Variants in ASXL1 observed in about 807,000 individuals in gnomAD.
ASXL1 encodes polycomb group protein ASXL1.
Under a neutral mutation model 89.1 loss-of-function variants are expected in ASXL1, and 65 were observed. The ratio of observed to expected loss-of-function variants is 0.73; its 90% CI spans 0.60 to 0.90. ASXL1 has a LOEUF of 0.90. Ranked by LOEUF, ASXL1 falls within the 40% of genes least tolerant of loss-of-function variation. The pLI, the probability that ASXL1 is intolerant of heterozygous loss-of-function variation, is 0.00. For missense variants in ASXL1, 1,786 were observed against 1,942.9 expected (o/e 0.92, Z 1.52); for synonymous variants, 739 against 746.9 (o/e 0.99, Z 0.17).
chr20:32,411,447 C>T (rs1408321729), intron 4 of ASXL1, among the ~76,000 whole-genome samples: 1 of 150,572 alleles, frequency 6.6e-6, no homozygotes, highest in Non-Finnish European at 1.5e-5. Flanking sequence ...GCTTGTCTCT[C>T]CAACTCCTGG....
chr20:32,378,632 G>A (rs1001896766), intron 4 of ASXL1, among the ~76,000 whole-genome samples: 1 of 152,014 alleles, frequency 6.6e-6, no homozygotes, highest in African/African-American at 2.4e-5. Context: ...GATTTGTATT[G>A]TTTTTTTACA....
Position 32,364,863 on chromosome 20 carries a change from T to A in ASXL1, c.58-1521T>A, listed in dbSNP as rs77544518. On this transcript the variant is annotated intron_variant, in intron 1 of 12. Transcript: ENST00000375687. ...GTACGTGTTCCATGTGTTTGTTGAA[T>A]GAAGGATGACAACAGAGTCAGAATG... 3.3e-3 allele frequency among the ~76,000 whole-genome samples: 510 copies of A among 152,314 alleles called. 2 individuals carry two copies. The highest frequency in any genetic ancestry group is 6.4e-3 in the Non-Finnish European group (438 of 68,022).
chr20:32,418,241 G>A (rs2049172180), intron 4 of ASXL1, among the ~76,000 whole-genome samples: 1 of 151,990 alleles, frequency 6.6e-6, no homozygotes, highest in Non-Finnish European at 1.5e-5. Context: ...GAGTGGTGGT[G>A]CATGCCTCTA....
At chr20:32,371,937 A>G (rs1400963500) in intron 4 of ASXL1, 8 of 370,462 alleles carry the variant, frequency 2.2e-5, no homozygotes, top group Non-Finnish European at 4.0e-5. Flanking sequence ...CATATGCTGT[A>G]ATTATATATA....
intron 4 of ASXL1, among the ~76,000 whole-genome samples, chr20:32,413,714 CTT>C (rs750240358): frequency 1.4e-4 from 22 of 152,220 alleles, no homozygotes; most frequent in East Asian, 5.8e-4. Context: ...GTTGGCTACT[CTT>C]TTCACGTGCA....
intron 1 of ASXL1, among the ~76,000 whole-genome samples, chr20:32,364,357 G>A (rs1305166746): frequency 1.3e-5 from 2 of 151,596 alleles, no homozygotes; most frequent in African/African-American, 4.9e-5. Context: ...CTGGGATTAC[G>A]GGCATGAGCC....
chr20:32,433,948 G>C (rs761375928), intron 12 of ASXL1, 31 bp downstream of exon 12: 5 of 1,610,948 alleles, frequency 3.1e-6, no homozygotes, highest in Non-Finnish European at 4.2e-6. Flanking sequence ...TGGCTGCCCT[G>C]GAGCCAGGTT....
intron 4 of ASXL1, among the ~76,000 whole-genome samples, chr20:32,390,438 A>G (rs564403030): frequency 2.6e-5 from 4 of 152,306 alleles, no homozygotes; most frequent in African/African-American, 9.6e-5. Context: ...ACAGATCTAT[A>G]TACAGATATG....
intron 4 of ASXL1, among the ~76,000 whole-genome samples, chr20:32,414,837 C>G (rs980664995): frequency 6.6e-6 from 1 of 151,996 alleles, no homozygotes; most frequent in African/African-American, 2.4e-5. Flanking sequence ...CTAGGCTGGT[C>G]ACTTTTTCCA....
In ASXL1 at chr20:32,434,387, G is replaced by T. The variant is rs572306565; in HGVS notation, c.1720-45G>T. ...GTTTTGCTTTACAGTCCCTAGGTCA[G>T]ATCACCCAGTCAGTTAAAACTATTT... On this transcript the variant is annotated intron_variant, in intron 12 of 12. Coordinates refer to ENST00000375687, the MANE Select transcript of ASXL1 (RefSeq NM_015338.6). The T allele has an allele frequency of 7.5e-6, 12 of 1,609,512 alleles. No individual in the cohort carries two copies. In the Admixed American group the frequency reaches 2.0e-4, roughly 27 times the overall value.
chr20:32,431,872 G>GT (rs1288275686), intron 10 of ASXL1, among the ~76,000 whole-genome samples, 193 bp downstream of exon 10: 2 of 152,166 alleles, frequency 1.3e-5, no homozygotes, highest in East Asian at 3.8e-4. Context: ...GGGTGTTTAG[G>GT]TTTAGACTTT....
chr20:32,417,469 T>C (rs368156106), intron 4 of ASXL1, among the ~76,000 whole-genome samples: 3 of 152,232 alleles, frequency 2.0e-5, no homozygotes, highest in East Asian at 1.9e-4. Context: ...ATCTATAATA[T>C]TGAAATTGCT....
At chr20:32,371,846 G>C in intron 4 of ASXL1, 1 of 438,430 alleles carries the variant, frequency 2.3e-6, no homozygotes, top group Non-Finnish European at 4.6e-6. Flanking sequence ...TCCCACCACA[G>C]CTTCACAAAG....
At chr20:32,387,219 T>C (rs1292144996) in intron 4 of ASXL1, among the ~76,000 whole-genome samples, 2 of 151,992 alleles carry the variant, frequency 1.3e-5, no homozygotes, top group African/African-American at 4.8e-5. Context: ...GGTACGAGAA[T>C]CACTGGAACT....
chr20:32,368,924 T>G (rs1051654958), intron 3 of ASXL1, 91 bp from the exon 4 acceptor site: 148 of 1,042,784 alleles, frequency 1.4e-4, no homozygotes, highest in Non-Finnish European at 2.0e-4. Flanking sequence ...TTGCTTAGCT[T>G]CTTCTCATTT....
At position 32,369,033 on chromosome 20, in the gene ASXL1, A is replaced by T. The variant is rs756710052; in HGVS notation, c.162A>T (p.Ala54=). ...KEMRSGTSPL[A]CLNAMLHSNS... is the part of the protein sequence containing the mutation. ...TTTACAGTGGGACTTCCCCTCTCGC[A>T]TGCCTCAATGCTATGCTACATTCCA... Residue 54 remains alanine, a synonymous_variant, in exon 4 of 13, where the codon GCA becomes GCT. Coordinates refer to ENST00000375687, the MANE Select transcript of ASXL1 (RefSeq NM_015338.6). 1 of 1,613,800 alleles carries T rather than the reference A, an allele frequency of 6.2e-7. No individual in the cohort carries two copies. The highest frequency in any genetic ancestry group is 1.1e-5 in the South Asian group (1 of 91,084).
At chr20:32,377,996 G>GTGTGTGTGTGTGTGTGTA (rs1303961757) in intron 4 of ASXL1, among the ~76,000 whole-genome samples, 1 of 137,088 alleles carries the variant, frequency 7.3e-6, no homozygotes, top group African/African-American at 2.7e-5. Context: ...GTGTGTGTGT[G>GTGTGTGTGTGTGTGTGTA]TGTGTGTTTT....
chr20:32,394,961 G>C (rs2048736748), intron 4 of ASXL1, among the ~76,000 whole-genome samples: 1 of 151,928 alleles, frequency 6.6e-6, no homozygotes, highest in Non-Finnish European at 1.5e-5. Context: ...TGATCCGCCT[G>C]TCTTGGCCTC....
intron 4 of ASXL1, among the ~76,000 whole-genome samples, chr20:32,390,028 T>A (rs1394334482): frequency 6.6e-6 from 1 of 152,268 alleles, no homozygotes; most frequent in East Asian, 1.9e-4. Flanking sequence ...GGTCCTTGAC[T>A]TATGATGTTT....
Sources: gnomAD v4.1 joint callset for allele counts (sites outside exome capture counted in the v4.1 genomes callset) on GRCh38, gnomAD v4.1.1 for gene constraint, MANE v1.5 for transcripts, NCBI Gene and HGNC (gene_info 2026-07-23, HGNC 2026-07-21) for gene names.